Variants in ZNF385B observed in about 807,000 individuals in gnomAD.
The protein encoded by ZNF385B is zinc finger protein 533.
ZNF385B carries 23 observed loss-of-function variants against 39.2 expected under a neutral mutation model. The ratio of observed to expected loss-of-function variants is 0.59; its 90% confidence interval spans 0.42 to 0.83. The LOEUF (loss-of-function observed/expected upper bound fraction) is 0.83, where lower values mean the gene tolerates loss of function less well. ZNF385B is among the 40% of genes least tolerant of loss of function. The pLI is 0.00. For missense variants in ZNF385B, 552 were observed against 598.9 expected, an observed-to-expected ratio of 0.92 and a Z score of 0.82; for synonymous variants, 205 against 222.6, an observed-to-expected ratio of 0.92 and a Z score of 0.70.
intron 1 of ZNF385B, among the ~76,000 whole-genome samples, chr2:179,772,077 T>C (rs922768743): frequency 4.6e-5 from 7 of 152,338 alleles, no homozygotes; most frequent in Middle Eastern, 3.4e-3. Context: ...ACACACATTA[T>C]AATGTTCCTA....
intron 7 of ZNF385B, 57 bp downstream of exon 7, chr2:179,446,468 T>C (rs2049486414): frequency 2.6e-6 from 4 of 1,556,660 alleles, no homozygotes; most frequent in African/African-American, 1.4e-5. Context: ...GGTATTCTGA[T>C]GGGAAAAGTT....
intron 3 of ZNF385B, among the ~76,000 whole-genome samples, chr2:179,588,087 C>T (rs1687232383): frequency 6.6e-6 from 1 of 152,002 alleles, no homozygotes; most frequent in African/African-American, 2.4e-5. Context: ...GCCCTTCTCT[C>T]TTTTATTTTT....
intron 3 of ZNF385B, among the ~76,000 whole-genome samples, chr2:179,709,893 C>T (rs1699878644): frequency 6.6e-6 from 1 of 152,146 alleles, no homozygotes; most frequent in African/African-American, 2.4e-5. Flanking sequence ...AGCAAGCATG[C>T]CACACAGAAA....
At chr2:179,674,026 T>C (rs189831164) in intron 3 of ZNF385B, among the ~76,000 whole-genome samples, 10 of 152,352 alleles carry the variant, frequency 6.6e-5, no homozygotes, top group Non-Finnish European at 1.3e-4. Context: ...TATGTTATTA[T>C]ATATCATTGT....
At chr2:179,529,469 T>C (rs529079223) in intron 4 of ZNF385B, among the ~76,000 whole-genome samples, 21 of 152,294 alleles carry the variant, frequency 1.4e-4, no homozygotes, top group African/African-American at 4.8e-4. Context: ...AAAGTATACA[T>C]AAGATTTTAA....
intron 3 of ZNF385B, among the ~76,000 whole-genome samples, chr2:179,605,113 T>C (rs1688698945): frequency 6.6e-6 from 1 of 152,138 alleles, no homozygotes. Flanking sequence ...AAACACACAA[T>C]ATGATTTTTC....
intron 6 of ZNF385B, among the ~76,000 whole-genome samples, chr2:179,470,698 T>G (rs2052664394): frequency 6.6e-6 from 1 of 152,222 alleles, no homozygotes; most frequent in Admixed American, 6.5e-5. Context: ...GAGGCTAGTG[T>G]TAGCCTGTAG....
At chr2:179,655,583 G>A (rs1314934878) in intron 3 of ZNF385B, among the ~76,000 whole-genome samples, 2 of 151,718 alleles carry the variant, frequency 1.3e-5, no homozygotes, top group Non-Finnish European at 2.9e-5. Flanking sequence ...AAAAAAACAG[G>A]AAGAGAGAGA....
At chr2:179,524,043 C>T (rs1008180009) in intron 4 of ZNF385B, among the ~76,000 whole-genome samples, 19 of 152,028 alleles carry the variant, frequency 1.2e-4, no homozygotes, top group African/African-American at 3.4e-4. Flanking sequence ...TGTGATCCTC[C>T]TGCCTTAGCC....
intron 4 of ZNF385B, among the ~76,000 whole-genome samples, chr2:179,522,663 A>G (rs927090794): frequency 2.0e-5 from 3 of 149,580 alleles, no homozygotes; most frequent in African/African-American, 4.9e-5. Flanking sequence ...ATGAACAAGT[A>G]CTTTCAAAAA....
Position 179,690,247 on chromosome 2 carries a change from T to A in ZNF385B, c.298+79256A>T, listed in dbSNP as rs147029943. ...AAGAGAGAGAACTGAGATACTGGAC[T>A]GATGACCTTGGGTTAGAGGATGCTT... On this transcript the variant is annotated intron_variant, in intron 3 of 9. Coordinates refer to ENST00000410066, the MANE Select transcript of ZNF385B (RefSeq NM_152520.6). Among the ~76,000 whole-genome samples, 934 of 152,252 alleles carry A rather than the reference T, an allele frequency of 6.1e-3. 3 individuals are homozygous for A. The highest frequency in any genetic ancestry group is 0.017 in the Middle Eastern group (5 of 294).
rs368659965 is a variant in ZNF385B, at chr2:179,734,749, T to C, written c.298+34754A>G. ...ATATTGTAAAATAAATAATACACAGTATAAGTACAATAATAGAATATGTAT... is the reference window on the plus strand; with the variant it reads ...ATATTGTAAAATAAATAATACACAGCATAAGTACAATAATAGAATATGTAT... On this transcript the variant is annotated intron_variant, in intron 3 of 9. Transcript: ENST00000410066. 4.4e-4 allele frequency among the ~76,000 whole-genome samples: 67 copies of C among 152,250 alleles called. No individual in the cohort carries two copies. The South Asian group carries it at 0.012, about 28-fold the overall frequency.
At chr2:179,838,932 G>C (rs966225979) in intron 1 of ZNF385B, among the ~76,000 whole-genome samples, 28 of 146,634 alleles carry the variant, frequency 1.9e-4, no homozygotes, top group Non-Finnish European at 3.3e-4. Flanking sequence ...AAAAAAAGGG[G>C]GGGGGGCATT....
At chr2:179,697,906 C>A (rs1005511082) in intron 3 of ZNF385B, among the ~76,000 whole-genome samples, 16 of 152,130 alleles carry the variant, frequency 1.1e-4, no homozygotes, top group Non-Finnish European at 1.9e-4. Flanking sequence ...ATGGATGAAG[C>A]TGGAAACCAT....
At chr2:179,571,361 T>C (rs1221973128) in intron 3 of ZNF385B, among the ~76,000 whole-genome samples, 1 of 152,208 alleles carries the variant, frequency 6.6e-6, no homozygotes, top group African/African-American at 2.4e-5. Flanking sequence ...CTGTGATCTA[T>C]TGAGCATTTA....
In ZNF385B at chr2:179,744,152, C is replaced by T. The variant is rs184361277; in HGVS notation, c.298+25351G>A. Reference sequence around the variant, plus strand: ...TAACTATTTGGATGTCACATGTTAGCAAAGGACAAAGTGGCAGATATTAGC... The same window carrying T: ...TAACTATTTGGATGTCACATGTTAGTAAAGGACAAAGTGGCAGATATTAGC... On this transcript the variant is annotated intron_variant, in intron 3 of 9. Transcript: ENST00000410066. Among the ~76,000 whole-genome samples the T allele has an allele frequency of 1.4e-4, 22 of 152,092 alleles. No individual in the cohort carries two copies. The East Asian group carries it at 4.1e-3, about 28-fold the overall frequency.
At chr2:179,854,861 T>C (rs1684458459) in intron 1 of ZNF385B, among the ~76,000 whole-genome samples, 1 of 152,190 alleles carries the variant, frequency 6.6e-6, no homozygotes, top group Non-Finnish European at 1.5e-5. Context: ...GTATGGAAAA[T>C]AAACATTAGG....
At chr2:179,835,077 C>G (rs905872211) in intron 1 of ZNF385B, among the ~76,000 whole-genome samples, 3 of 152,116 alleles carry the variant, frequency 2.0e-5, no homozygotes, top group Non-Finnish European at 2.9e-5. Flanking sequence ...AAAATTGGGA[C>G]TATCTGGAAA....
chr2:179,608,760 T>G (rs1689036982), intron 3 of ZNF385B, among the ~76,000 whole-genome samples: 1 of 151,962 alleles, frequency 6.6e-6, no homozygotes, highest in Admixed American at 6.6e-5. Context: ...TCACTGTTGG[T>G]TTTTTACATA....
Sources: gnomAD v4.1 joint callset for allele counts (sites outside exome capture counted in the v4.1 genomes callset) on GRCh38, gnomAD v4.1.1 for gene constraint, MANE v1.5 for transcripts, NCBI Gene and HGNC (gene_info 2026-07-23, HGNC 2026-07-21) for gene names.